The following PCBP3 variants were observed in gnomAD, a reference collection of about 807,000 sequenced individuals.
PCBP3 encodes the protein poly(rC)-binding protein 3.
A neutral mutation model predicts 52.7 loss-of-function variants in PCBP3; 25 were observed. The ratio of observed to expected loss-of-function variants is 0.47; its 90% CI spans 0.35 to 0.66. PCBP3 has a LOEUF of 0.66. PCBP3 is among the 30% of genes least tolerant of loss of function. The pLI is 0.01. For missense variants in PCBP3, 391 were observed against 490.3 expected, an observed-to-expected ratio of 0.80 and a Z score of 1.91; for synonymous variants, 162 against 183.0, an observed-to-expected ratio of 0.89 and a Z score of 0.93.
chr21:45,733,374 C>T (rs889682616), intron 2 of PCBP3, among the ~76,000 whole-genome samples: 4 of 152,070 alleles, frequency 2.6e-5, no homozygotes, highest in African/African-American at 9.7e-5. Flanking sequence ...GCAAGCTCCA[C>T]CTCCTGGGTT....
At chr21:45,699,748 A>G (rs549693533) in intron 2 of PCBP3, among the ~76,000 whole-genome samples, 1 of 152,306 alleles carries the variant, frequency 6.6e-6, no homozygotes, top group East Asian at 1.9e-4. Flanking sequence ...GTATAAAACC[A>G]TCAGATCTTA....
intron 4 of PCBP3, among the ~76,000 whole-genome samples, chr21:45,844,506 C>T (rs1401404483): frequency 6.6e-6 from 1 of 152,138 alleles, no homozygotes; most frequent in East Asian, 1.9e-4. Flanking sequence ...TTCAGCGTGG[C>T]TGGAGGATTT....
intron 2 of PCBP3, among the ~76,000 whole-genome samples, chr21:45,672,673 T>G (rs2838974): frequency 0.2 from 30,171 of 152,006 alleles, 3,263 homozygotes; most frequent in Middle Eastern, 0.34. Flanking sequence ...AATACAATAG[T>G]CATGGGTGTG....
intron 5 of PCBP3, chr21:45,871,773 T>A (rs1047751144): frequency 1.3e-5 from 2 of 152,252 alleles, no homozygotes; most frequent in Non-Finnish European, 2.9e-5. Flanking sequence ...ATCCCCGGAC[T>A]TGCCTCTCTC....
chr21:45,892,819 T>C (rs762243855), intron 5 of PCBP3, among the ~76,000 whole-genome samples: 18 of 152,142 alleles, frequency 1.2e-4, no homozygotes. Context: ...CTTCACTCCA[T>C]CCACCTGGGT....
rs1254103681 is a variant in PCBP3, at chr21:45,669,803, GTGTATATATATATATA to G, written c.-200+853_-200+868del. 5.5e-4 allele frequency among the ~76,000 whole-genome samples: 30 copies of G among 54,400 alleles called. No individual in the cohort carries two copies. In the South Asian group the frequency reaches 9.0e-3, roughly 16 times the overall value. The allele number at this position is 54,400 out of a possible 152,430, so 35.7% of individuals were successfully genotyped here. On this transcript the variant is annotated intron_variant, in intron 2 of 17. Transcript: ENST00000681687. ...AATATTCCATTGTGTGTGTGTGTGTGTGTATATATATATATATATATATATATATATATATATATAT... is the reference window on the plus strand; with the variant it reads ...AATATTCCATTGTGTGTGTGTGTGTGTATATATATATATATATATATATAT...
intron 2 of PCBP3, among the ~76,000 whole-genome samples, chr21:45,695,320 T>G (rs2082704894): frequency 6.6e-6 from 1 of 152,204 alleles, no homozygotes; most frequent in African/African-American, 2.4e-5. Context: ...AAGGGGCTTC[T>G]CTTCCAGGTT....
Position 45,917,536 on chromosome 21 carries a change from G to A in PCBP3, c.676-52G>A. The A allele has an allele frequency of 2.0e-6, 3 of 1,511,008 alleles. No homozygotes were observed. The highest frequency in any genetic ancestry group is 2.8e-6 in the Non-Finnish European group (3 of 1,089,640). The allele number at this position is 1,511,008 out of a possible 1,614,324, so 93.6% of individuals were successfully genotyped here. A position where few individuals can be genotyped will look rare whatever the true frequency, so the allele number is the denominator to read the frequency against. On this transcript the variant is annotated intron_variant, in intron 12 of 17. Transcript: ENST00000681687. This position sits in a 1 kb window ranked among gnomAD's most constrained non-coding sequence, Gnocchi z 5.3. ...ATGCTGGAGGGTGGCGGCGGGTGCT[G>A]AGCCGTGGTGCAGCCAGGTTGCAGT...
intron 4 of PCBP3, chr21:45,759,889 G>T (rs541065014): frequency 1.1e-4 from 16 of 152,250 alleles, no homozygotes; most frequent in African/African-American, 3.6e-4. Context: ...AGAGAGAAAA[G>T]ACATTGCCTT....
intron 2 of PCBP3, among the ~76,000 whole-genome samples, chr21:45,701,359 T>C (rs879853678): frequency 6.6e-6 from 1 of 152,192 alleles, no homozygotes; most frequent in Non-Finnish European, 1.5e-5. Flanking sequence ...CACCACAGTA[T>C]CCTATGACAC....
chr21:45,903,652 C>G (rs940370998), intron 9 of PCBP3, among the ~76,000 whole-genome samples: 5 of 152,134 alleles, frequency 3.3e-5, no homozygotes, highest in Non-Finnish European at 1.5e-5. Context: ...AAGGGACCAT[C>G]AACAGAGGTG....
chr21:45,862,225 C>T lies in PCBP3; in HGVS notation c.10+12130C>T, dbSNP rs146595801. Among the ~76,000 whole-genome samples the T allele has an allele frequency of 1.6e-3, 240 of 152,020 alleles. 3 individuals carry two copies. The highest frequency in any genetic ancestry group is 5.3e-3 in the African/African-American group (221 of 41,440). ...CGTACATTTAAATCATAGCAACAAA[C>T]ATTACATTATTAGTTACTGTAACAA... On this transcript the variant is annotated intron_variant, in intron 5 of 17. Transcript: ENST00000681687.
At position 45,866,887 on chromosome 21, in the gene PCBP3, G is replaced by A. The variant is rs189137229; in HGVS notation, c.10+16792G>A. Among the ~76,000 whole-genome samples the A allele has an allele frequency of 2.9e-3, 444 of 152,268 alleles. 4 individuals are homozygous for A. The highest frequency in any genetic ancestry group is 9.8e-3 in the African/African-American group (406 of 41,552). The stretch of plus-strand genomic sequence containing the variant: ...ACTAGGGCGGAGGTCGGGGACAGTC[G>A]TCAGAAGGACACAGGAAAGAAGGGA... On this transcript the variant is annotated intron_variant, in intron 5 of 17. Transcript: ENST00000681687.
At chr21:45,652,514 C>A (rs1031123236) in intron 1 of PCBP3, among the ~76,000 whole-genome samples, 1 of 148,908 alleles carries the variant, frequency 6.7e-6, no homozygotes, top group African/African-American at 2.5e-5. Context: ...GATCTTGGCT[C>A]ACTGCAACCT....
chr21:45,875,922 C>A (rs1398581834), intron 5 of PCBP3, among the ~76,000 whole-genome samples: 2 of 152,240 alleles, frequency 1.3e-5, no homozygotes, highest in East Asian at 3.8e-4. Context: ...AATTTCTCCA[C>A]CAGACTGTGA....
intron 4 of PCBP3, among the ~76,000 whole-genome samples, chr21:45,793,621 G>T (rs2091754027): frequency 6.6e-6 from 1 of 152,206 alleles, no homozygotes; most frequent in Non-Finnish European, 1.5e-5. Flanking sequence ...GCCAGGACCT[G>T]TGAGGACCGA....
chr21:45,684,518 C>T (rs952546161), intron 2 of PCBP3, among the ~76,000 whole-genome samples: 2 of 152,216 alleles, frequency 1.3e-5, no homozygotes, highest in East Asian at 1.9e-4. Context: ...GCTTGGTGTC[C>T]TCCCTGCAGT....
intron 2 of PCBP3, among the ~76,000 whole-genome samples, chr21:45,686,736 A>G (rs1439234727): frequency 6.6e-6 from 1 of 152,222 alleles, no homozygotes; most frequent in Non-Finnish European, 1.5e-5. Context: ...TGGAACTTTG[A>G]CAGTGAAATA....
At chr21:45,864,512 C>G (rs1355716812) in intron 5 of PCBP3, among the ~76,000 whole-genome samples, 1 of 152,192 alleles carries the variant, frequency 6.6e-6, no homozygotes, top group East Asian at 1.9e-4. Context: ...ATATTTTCAC[C>G]TATTGTAAAT....
Sources: allele counts gnomAD v4.1 joint callset (sites outside exome capture counted in the v4.1 genomes callset), GRCh38; gene constraint gnomAD v4.1.1; non-coding constraint Gnocchi (gnomAD v3.1); transcripts MANE v1.5; gene names NCBI Gene and HGNC (gene_info 2026-07-23, HGNC 2026-07-21).